The following POU2F2 variants were observed in gnomAD, a reference collection of about 807,000 sequenced individuals.
POU2F2 encodes POU class 2 homeobox 2, also known as POU domain, class 2, transcription factor 2.
A neutral mutation model predicts 63.5 loss-of-function variants in POU2F2; 14 were observed. The ratio of observed to expected loss-of-function variants is 0.22; its 90% CI spans 0.15 to 0.34. The LOEUF is 0.34. Among genes scored for constraint, POU2F2 ranks in the 10% least tolerant of loss-of-function variants. The pLI is 1.00. For missense variants in POU2F2, 607 were observed against 815.2 expected (o/e 0.74, Z 3.11); for synonymous variants, 306 against 348.6 (o/e 0.88, Z 1.36).
intron 1 of POU2F2, among the ~76,000 whole-genome samples, chr19:42,186,462 A>G (rs979511326): frequency 6.6e-6 from 1 of 152,244 alleles, no homozygotes; most frequent in African/African-American, 2.4e-5. Flanking sequence ...GCAGGGAGGC[A>G]GTTGGGATTG....
rs113276707 is a variant in POU2F2, at chr19:42,123,948, A to G, written c.29-1372T>C. On this transcript the variant is annotated intron_variant, in intron 1 of 14. Transcript: ENST00000692977. ...TCACTCCAAAATCCCTGCCTAAACCATGACCCCACTCCTACTAAAGGAGCT... is the reference window on the plus strand; with the variant it reads ...TCACTCCAAAATCCCTGCCTAAACCGTGACCCCACTCCTACTAAAGGAGCT... Among the ~76,000 whole-genome samples the G allele has an allele frequency of 2.6e-3, 399 of 152,106 alleles. 6 individuals carry two copies. The highest frequency in any genetic ancestry group is 9.1e-3 in the African/African-American group (377 of 41,488).
chr19:42,144,002 T>A (rs951600723), intron 2 of POU2F2, among the ~76,000 whole-genome samples: 1 of 152,172 alleles, frequency 6.6e-6, no homozygotes, highest in African/African-American at 2.4e-5. Context: ...ACTGAATGTT[T>A]ATGCCAGCAC....
At chr19:42,166,604 G>A (rs991758827) in intron 1 of POU2F2, among the ~76,000 whole-genome samples, 1 of 152,166 alleles carries the variant, frequency 6.6e-6, no homozygotes, top group Non-Finnish European at 1.5e-5. Flanking sequence ...TATGCTGGAG[G>A]TGAAGGAGGG....
At chr19:42,136,329 C>T (rs1453205177), upstream of POU2F2, among the ~76,000 whole-genome samples, 1 of 151,880 alleles carries the variant, frequency 6.6e-6, no homozygotes, top group Non-Finnish European at 1.5e-5. Context: ...GGACCACAGG[C>T]GTGCACCACC....
upstream of POU2F2, among the ~76,000 whole-genome samples, chr19:42,180,041 T>C (rs2034943385): frequency 6.6e-6 from 1 of 151,962 alleles, no homozygotes; most frequent in African/African-American, 2.4e-5. Context: ...CACAAATAAA[T>C]ACAGGAAACG....
In POU2F2 at chr19:42,117,091, G is replaced by C. The variant is rs1354206470; in HGVS notation, c.369+159C>G. On this transcript the variant is annotated intron_variant, in intron 5 of 14. Transcript: ENST00000692977. This position sits in a 1 kb window ranked among gnomAD's most constrained non-coding sequence, Gnocchi z 4.4. ...AGAGAGGGGTTAGTGCCTAAGCCAA[G>C]CAAGTAAGGGGACAAGACCTCCTAG... 1 of 690,946 alleles carries C rather than the reference G, an allele frequency of 1.4e-6. No homozygotes were observed. Among genetic ancestry groups the C allele is most frequent in the Non-Finnish European group, 2.5e-6 (1 of 393,564 alleles). 42.8% of individuals were successfully genotyped at this position (690,946 alleles called of 1,614,324 possible).
At chr19:42,123,273 G>A (rs1442006769) in intron 1 of POU2F2, 2 of 152,320 alleles carry the variant, frequency 1.3e-5, no homozygotes, top group East Asian at 1.9e-4. Flanking sequence ...CCTGATCTGG[G>A]ACTTCACGCT....
At chr19:42,173,525 A>G in intron 1 of POU2F2, among the ~76,000 whole-genome samples, 1 of 149,682 alleles carries the variant, frequency 6.7e-6, no homozygotes, top group Admixed American at 6.7e-5. Context: ...ACCAGAATGG[A>G]GGTGGCCTGG....
chr19:42,126,981 A>G (rs1403112806), intron 1 of POU2F2, among the ~76,000 whole-genome samples: 4 of 152,122 alleles, frequency 2.6e-5, no homozygotes, highest in Non-Finnish European at 5.9e-5. Flanking sequence ...CAGTGGCACA[A>G]TCACGGCTCA....
intron 1 of POU2F2, among the ~76,000 whole-genome samples, chr19:42,183,102 A>C (rs561072497): frequency 7.9e-5 from 12 of 152,356 alleles, no homozygotes; most frequent in African/African-American, 2.9e-4. Context: ...AAGCTCTCCC[A>C]GGCTGACTCT....
chr19:42,090,504 C>CTCT lies in POU2F2; in HGVS notation c.*752_*753insAGA. 1.3e-5 allele frequency: 2 copies of CTCT among 152,808 alleles called. 1 individual carries two copies. The highest frequency in any genetic ancestry group is 2.9e-5 in the Non-Finnish European group (2 of 68,056). The allele number at this position is 152,808 out of a possible 1,614,324, so 9.5% of individuals were successfully genotyped here. Reference sequence around the variant, plus strand: ...GGGGAGGGAGGAGGTTAAAGCAAGACCCCCTGCCCAGGTGGGGAGAGCTGG... The same window carrying CTCT: ...GGGGAGGGAGGAGGTTAAAGCAAGACTCTCCCCTGCCCAGGTGGGGAGAGCTGG... On this transcript the variant is annotated 3_prime_UTR_variant, in exon 15 of 15. Coordinates refer to ENST00000692977, the MANE Select transcript of POU2F2 (RefSeq NM_001394376.1). The surrounding 1 kb of genome is among the most constrained non-coding windows in gnomAD (Gnocchi z 4.4).
In POU2F2 at chr19:42,163,676, G is replaced by A. The variant is rs1192552796; in HGVS notation, c.-69-3284C>T. On this transcript the variant is annotated intron_variant, in intron 1 of 6. Transcript: ENST00000524801. The stretch of plus-strand genomic sequence containing the variant: ...TGTTGCTGGCACCCAAGTGGTCCCC[G>A]GCTCCCCTCTGACTGTGCCTTAGCT... Among the ~76,000 whole-genome samples the A allele has an allele frequency of 2.6e-5, 4 of 152,138 alleles. 1 individual carries two copies. The highest frequency in any genetic ancestry group is 4.1e-4 in the South Asian group (2 of 4,822).
chr19:42,117,921 C>CT lies in POU2F2; in HGVS notation c.187-490dup, dbSNP rs141747649. On this transcript the variant is annotated intron_variant, in intron 4 of 14. Coordinates refer to ENST00000692977, the MANE Select transcript of POU2F2 (RefSeq NM_001394376.1). The surrounding 1 kb of genome is among the most constrained non-coding windows in gnomAD (Gnocchi z 4.4). ...ATCACACAGAGGTACATCTCTCTTG[C>CT]TTTTTTTTTCTTTTTGTTTTTGAGA... Among the ~76,000 whole-genome samples the CT allele has an allele frequency of 6.0e-5, 9 of 150,976 alleles. No homozygotes were observed. Among genetic ancestry groups the CT allele is most frequent in the African/African-American group, 1.2e-4 (5 of 41,066 alleles).
chr19:42,139,253 G>T (rs1198143348), intron 2 of POU2F2, among the ~76,000 whole-genome samples: 1 of 152,124 alleles, frequency 6.6e-6, no homozygotes, highest in Non-Finnish European at 1.5e-5. Context: ...CCAGGAGGCG[G>T]AGGTTGCAGT....
intron 5 of POU2F2, chr19:42,116,876 AGGCGGCGGCGGC>A: frequency 2.2e-6 from 1 of 449,268 alleles, no homozygotes; most frequent in South Asian, 1.6e-5. Flanking sequence ...GAGGAGGCGG[AGGCGGCGGCGGC>A]GGCGGCAGCG....
chr19:42,114,854 A>C (rs147858711), intron 5 of POU2F2, among the ~76,000 whole-genome samples: 1,785 of 152,310 alleles, frequency 0.012, 29 homozygotes, highest in Non-Finnish European at 0.015. Flanking sequence ...GAAAGGCTAC[A>C]TCTGGGCTGA....
chr19:42,195,330 CTTT>C (rs894258162), intron 1 of POU2F2, among the ~76,000 whole-genome samples: 3 of 125,510 alleles, frequency 2.4e-5, no homozygotes, highest in African/African-American at 3.1e-5. Flanking sequence ...CCCTCTTTTT[CTTT>C]TTTTTTTTTT....
chr19:42,180,986 T>C (rs560858561), upstream of POU2F2, among the ~76,000 whole-genome samples: 33 of 152,276 alleles, frequency 2.2e-4, no homozygotes, highest in African/African-American at 7.7e-4. Flanking sequence ...GTTTGATATG[T>C]GCTAAGTCCA....
At chr19:42,170,594 A>G (rs1025125756) in intron 1 of POU2F2, among the ~76,000 whole-genome samples, 1 of 152,222 alleles carries the variant, frequency 6.6e-6, no homozygotes, top group Non-Finnish European at 1.5e-5. Flanking sequence ...CGCACAAGCA[A>G]ACACATACAC....
Sources: allele counts gnomAD v4.1 joint callset (sites outside exome capture counted in the v4.1 genomes callset), GRCh38; gene constraint gnomAD v4.1.1; non-coding constraint Gnocchi (gnomAD v3.1); transcripts MANE v1.5; gene names NCBI Gene and HGNC (gene_info 2026-07-23, HGNC 2026-07-21).